The following NRG1 variants were observed in gnomAD, a reference collection of about 807,000 sequenced individuals.
NRG1 encodes neuregulin 1, also known as pro-neuregulin-1, membrane-bound isoform.
NRG1 carries 18 observed loss-of-function variants against 63.8 expected under a neutral mutation model. That is an observed-to-expected ratio of 0.28 (90% CI 0.19 to 0.42). The LOEUF (loss-of-function observed/expected upper bound fraction) is 0.42. Ranked by LOEUF, NRG1 falls within the 10% of genes least tolerant of loss-of-function variation. NRG1 has a pLI of 1.00. For missense variants in NRG1, 762 were observed against 814.7 expected, an observed-to-expected ratio of 0.94 and a Z score of 0.79; for synonymous variants, 302 against 301.3, an observed-to-expected ratio of 1.00 and a Z score of -0.02.
intron 1 of NRG1, among the ~76,000 whole-genome samples, chr8:32,134,503 C>T (rs2131661956): frequency 6.6e-6 from 1 of 152,200 alleles, no homozygotes; most frequent in African/African-American, 2.4e-5. Flanking sequence ...AACCCCTATT[C>T]CTGCCAATTC....
chr8:32,518,477 G>A (rs1830042842), intron 1 of NRG1, among the ~76,000 whole-genome samples: 1 of 152,188 alleles, frequency 6.6e-6, no homozygotes, highest in Non-Finnish European at 1.5e-5. Context: ...GAATAGGAAT[G>A]AGGCTTGGAG....
intron 1 of NRG1, among the ~76,000 whole-genome samples, chr8:31,927,588 A>G (rs1834479246): frequency 6.7e-6 from 1 of 148,726 alleles, no homozygotes; most frequent in African/African-American, 2.4e-5. Flanking sequence ...AGCTGGGACT[A>G]CAGGCGCCCG....
intron 1 of NRG1, chr8:32,026,129 C>A (rs912689359): frequency 5.4e-5 from 8 of 148,908 alleles, no homozygotes; most frequent in Admixed American, 2.0e-4. Context: ...AGTGCAGCGG[C>A]AGGATCTCGA....
chr8:32,157,985 C>G (rs1308747967), intron 1 of NRG1, among the ~76,000 whole-genome samples: 1 of 152,154 alleles, frequency 6.6e-6, no homozygotes, highest in Non-Finnish European at 1.5e-5. Context: ...CAAACTCTGT[C>G]CCGGGATGCT....
chr8:31,909,272 T>C (rs879306658), intron 1 of NRG1, among the ~76,000 whole-genome samples: 5 of 152,202 alleles, frequency 3.3e-5, no homozygotes, highest in Non-Finnish European at 5.9e-5. Context: ...TTTTCAACTA[T>C]ATCTTTTTTT....
At chr8:32,463,894 T>G (rs1754690555) in intron 1 of NRG1, among the ~76,000 whole-genome samples, 3 of 65,276 alleles carry the variant, frequency 4.6e-5, no homozygotes, top group African/African-American at 1.3e-4. Context: ...TTTTTTTTTT[T>G]TTTTTTTTTT....
chr8:32,657,150 G>A (rs1030917557), intron 5 of NRG1, among the ~76,000 whole-genome samples: 1 of 151,738 alleles, frequency 6.6e-6, no homozygotes, highest in Non-Finnish European at 1.5e-5. Flanking sequence ...GAGCAACACT[G>A]AAGACAATGA....
At chr8:32,716,716 A>C (rs1819311523) in intron 5 of NRG1, among the ~76,000 whole-genome samples, 1 of 152,074 alleles carries the variant, frequency 6.6e-6, no homozygotes, top group Non-Finnish European at 1.5e-5. Context: ...CTTCTTCCAC[A>C]TGCCCTTTTT....
intron 6 of NRG1, chr8:32,728,769 A>G (rs1822904388): frequency 4.5e-6 from 3 of 669,626 alleles, no homozygotes; most frequent in Non-Finnish European, 5.5e-6. Context: ...CACCATTAAG[A>G]AGTATCCAAT....
At chr8:32,748,358 C>CACACACACAGAG (rs748763782) in intron 7 of NRG1, among the ~76,000 whole-genome samples, 15 of 122,010 alleles carry the variant, frequency 1.2e-4, no homozygotes, top group East Asian at 2.4e-4. Flanking sequence ...CACACACACA[C>CACACACACAGAG]AGAGAGAGAG....
At chr8:31,733,416 A>G (rs1355983746) in intron 1 of NRG1, among the ~76,000 whole-genome samples, 1 of 152,102 alleles carries the variant, frequency 6.6e-6, no homozygotes, top group Non-Finnish European at 1.5e-5. Context: ...TAGGTATAAA[A>G]CAATATGTGG....
At chr8:32,510,130 T>TCATC (rs1563563564) in intron 1 of NRG1, among the ~76,000 whole-genome samples, 1 of 141,816 alleles carries the variant, frequency 7.1e-6, no homozygotes. Context: ...ATAATAATCA[T>TCATC]AAAAGCAAGG....
At chr8:32,144,432 G>A (rs946753521) in intron 1 of NRG1, among the ~76,000 whole-genome samples, 26 of 152,110 alleles carry the variant, frequency 1.7e-4, no homozygotes, top group Admixed American at 1.4e-3. Flanking sequence ...TGCATGCCTA[G>A]TTGTAGCACT....
chr8:32,281,721 C>G (rs1852873059), intron 1 of NRG1, among the ~76,000 whole-genome samples: 1 of 152,140 alleles, frequency 6.6e-6, no homozygotes, highest in Non-Finnish European at 1.5e-5. Flanking sequence ...TGGTATGCAT[C>G]TGTAGTACCA....
At chr8:32,100,438 G>A (rs1406562488) in intron 1 of NRG1, among the ~76,000 whole-genome samples, 3 of 152,132 alleles carry the variant, frequency 2.0e-5, no homozygotes, top group South Asian at 2.1e-4. Flanking sequence ...TCAGTTAAAT[G>A]TGTTGCTTTG....
chr8:31,721,258 C>A (rs1812889444), intron 1 of NRG1, among the ~76,000 whole-genome samples: 1 of 152,024 alleles, frequency 6.6e-6, no homozygotes, highest in South Asian at 2.1e-4. Context: ...TTATTATGCC[C>A]CAAACATTAG....
chr8:32,245,813 T>C (rs142375554), intron 1 of NRG1, among the ~76,000 whole-genome samples: 12 of 152,174 alleles, frequency 7.9e-5, no homozygotes, highest in Admixed American at 7.9e-4. Flanking sequence ...ATTGAATTTT[T>C]AAAAACCACT....
intron 1 of NRG1, among the ~76,000 whole-genome samples, chr8:32,416,498 G>A (rs184834378): frequency 2.0e-5 from 3 of 152,048 alleles, no homozygotes; most frequent in Non-Finnish European, 2.9e-5. Context: ...CTAAAGCAGC[G>A]ATTCTCGAAT....
intron 1 of NRG1, among the ~76,000 whole-genome samples, chr8:32,462,783 G>A (rs1822487620): frequency 6.6e-6 from 1 of 151,190 alleles, no homozygotes. Flanking sequence ...TTTATATTTT[G>A]GGTAGAGACA....
Sources: allele counts gnomAD v4.1 joint callset (sites outside exome capture counted in the v4.1 genomes callset), GRCh38; gene constraint gnomAD v4.1.1; transcripts MANE v1.5; gene names NCBI Gene and HGNC (gene_info 2026-07-23, HGNC 2026-07-21).